Variants in CTNNA2 observed in about 807,000 individuals in gnomAD.
CTNNA2 encodes the protein catenin alpha 2.
CTNNA2 carries 42 observed loss-of-function variants against 101.0 expected under a neutral mutation model. The observed-to-expected ratio is 0.42, with a 90% CI of 0.32 to 0.54. The LOEUF is 0.54. Among genes scored for constraint, CTNNA2 ranks in the 20% least tolerant of loss-of-function variants. The pLI, the probability that CTNNA2 is intolerant of heterozygous loss-of-function variation, is 0.14. For synonymous variants in CTNNA2, 450 were observed against 456.4 expected, an observed-to-expected ratio of 0.99 and a Z score of 0.18; for missense variants, 871 against 1,223.1, an observed-to-expected ratio of 0.71 and a Z score of 4.29.
At chr2:80,432,409 G>T (rs1188175379) in intron 9 of CTNNA2, among the ~76,000 whole-genome samples, 1 of 152,128 alleles carries the variant, frequency 6.6e-6, no homozygotes, top group African/African-American at 2.4e-5. Flanking sequence ...TAATACAAAT[G>T]CACCTTTTGA....
At chr2:80,204,360 G>A (rs896573147) in intron 7 of CTNNA2, among the ~76,000 whole-genome samples, 1 of 152,122 alleles carries the variant, frequency 6.6e-6, no homozygotes, top group Non-Finnish European at 1.5e-5. Context: ...ATGCTTAACA[G>A]CACCCAAGTC....
chr2:80,392,134 C>G (rs1177288704), intron 7 of CTNNA2, among the ~76,000 whole-genome samples: 1 of 152,118 alleles, frequency 6.6e-6, no homozygotes, highest in East Asian at 1.9e-4. Flanking sequence ...CATTTAGAAA[C>G]CTGTTGGATG....
intron 4 of CTNNA2, among the ~76,000 whole-genome samples, chr2:79,416,257 C>CTTT (rs66830925): frequency 1.7e-4 from 16 of 94,598 alleles, no homozygotes; most frequent in East Asian, 3.1e-4. Flanking sequence ...CTTTCCTTTT[C>CTTT]TTTTTTTTTT....
At chr2:80,406,853 A>G (rs1237180892) in intron 8 of CTNNA2, among the ~76,000 whole-genome samples, 1 of 150,710 alleles carries the variant, frequency 6.6e-6, no homozygotes. Flanking sequence ...AAAAAAGAAA[A>G]GGGATAACTT....
rs1311698681 is a variant in CTNNA2, at chr2:80,162,310, G to A, written c.1057-230901G>A. ...ACCACAATTCATTTTGTATTAAACTGTAGCTTTAAAAAAATGTATAAAGAA... is the reference window on the plus strand; with the variant it reads ...ACCACAATTCATTTTGTATTAAACTATAGCTTTAAAAAAATGTATAAAGAA... On this transcript the variant is annotated intron_variant, in intron 7 of 18. Coordinates refer to ENST00000402739, the MANE Select transcript of CTNNA2 (RefSeq NM_001282597.3). 7 of 820,640 alleles carry A rather than the reference G, an allele frequency of 8.5e-6. No homozygotes were observed. In the East Asian group the frequency reaches 2.0e-4, roughly 23 times the overall value. 50.8% of individuals were successfully genotyped at this position (820,640 alleles called of 1,614,324 possible). A position where few individuals can be genotyped will look rare whatever the true frequency, so the allele number is the denominator to read the frequency against.
chr2:79,544,361 T>G (rs758071537), intron 1 of CTNNA2, among the ~76,000 whole-genome samples: 1 of 152,198 alleles, frequency 6.6e-6, no homozygotes, highest in East Asian at 1.9e-4. Flanking sequence ...ATGACTATTT[T>G]GGCTTGGGAA....
At chr2:80,273,703 T>A (rs1388822648) in intron 7 of CTNNA2, among the ~76,000 whole-genome samples, 2 of 152,034 alleles carry the variant, frequency 1.3e-5, no homozygotes, top group African/African-American at 4.8e-5. Flanking sequence ...CCTCAGGAGC[T>A]TTGCAATAGT....
intron 1 of CTNNA2, among the ~76,000 whole-genome samples, chr2:79,189,065 G>A (rs1020916645): frequency 6.6e-6 from 1 of 152,112 alleles, no homozygotes; most frequent in Non-Finnish European, 1.5e-5. Flanking sequence ...ATTTCTGTGA[G>A]TATCTAGGTG....
chr2:79,990,705 A>G (rs1692112008), intron 7 of CTNNA2, among the ~76,000 whole-genome samples: 1 of 152,222 alleles, frequency 6.6e-6, no homozygotes. Flanking sequence ...CCTGTATTTG[A>G]AGATGGAGAC....
At chr2:79,332,758 C>A (rs999072248) in intron 3 of CTNNA2, among the ~76,000 whole-genome samples, 1 of 152,160 alleles carries the variant, frequency 6.6e-6, no homozygotes, top group African/African-American at 2.4e-5. Context: ...AACCCACACC[C>A]TGTCCATTTC....
At chr2:79,367,363 G>A (rs942532426) in intron 3 of CTNNA2, among the ~76,000 whole-genome samples, 1 of 152,164 alleles carries the variant, frequency 6.6e-6, no homozygotes, top group Non-Finnish European at 1.5e-5. Flanking sequence ...GCCTGAAGGA[G>A]GTGAGAGAAA....
At chr2:79,558,611 C>T (rs539547664) in intron 1 of CTNNA2, among the ~76,000 whole-genome samples, 1 of 151,990 alleles carries the variant, frequency 6.6e-6, no homozygotes, top group African/African-American at 2.4e-5. Context: ...AACCAATTTT[C>T]TGTTTGGTCA....
chr2:79,732,374 C>T (rs141177034), intron 2 of CTNNA2, among the ~76,000 whole-genome samples: 55 of 152,004 alleles, frequency 3.6e-4, no homozygotes, highest in African/African-American at 1.2e-3. Context: ...TTGTTCCTAG[C>T]AATTCATAGA....
chr2:79,820,978 T>A (rs1333235818), intron 3 of CTNNA2, among the ~76,000 whole-genome samples: 1 of 152,326 alleles, frequency 6.6e-6, no homozygotes. Flanking sequence ...TTAATCAATA[T>A]GTTTATACAT....
chr2:79,792,742 C>T (rs573189890), intron 3 of CTNNA2, among the ~76,000 whole-genome samples: 2 of 152,288 alleles, frequency 1.3e-5, no homozygotes, highest in East Asian at 3.9e-4. Flanking sequence ...ATTCTGCCCT[C>T]AGTTCCTAAT....
At chr2:79,980,404 G>A (rs976316732) in intron 7 of CTNNA2, among the ~76,000 whole-genome samples, 3 of 152,008 alleles carry the variant, frequency 2.0e-5, no homozygotes, top group African/African-American at 4.8e-5. Flanking sequence ...GATTAGTACT[G>A]GTAATATCAA....
chr2:80,197,056 G>C (rs1010708758), intron 7 of CTNNA2, among the ~76,000 whole-genome samples: 1 of 152,040 alleles, frequency 6.6e-6, no homozygotes, highest in Non-Finnish European at 1.5e-5. Context: ...GCTCTTAAAG[G>C]TAATACCTAC....
intron 4 of CTNNA2, among the ~76,000 whole-genome samples, chr2:79,456,391 CATTTA>C (rs1401099224): frequency 6.6e-6 from 1 of 151,662 alleles, no homozygotes; most frequent in African/African-American, 2.4e-5. Context: ...TTCTTAAAGC[CATTTA>C]ATTTATATTT....
At chr2:80,024,263 T>C (rs938315696) in intron 7 of CTNNA2, among the ~76,000 whole-genome samples, 2 of 152,054 alleles carry the variant, frequency 1.3e-5, no homozygotes, top group African/African-American at 2.4e-5. Flanking sequence ...TCTATGAGTT[T>C]TACACACATA....
Sources: allele counts gnomAD v4.1 joint callset (sites outside exome capture counted in the v4.1 genomes callset), GRCh38; gene constraint gnomAD v4.1.1; transcripts MANE v1.5; gene names NCBI Gene and HGNC (gene_info 2026-07-23, HGNC 2026-07-21).